The following PTPRD variants were observed in gnomAD, a reference collection of about 807,000 sequenced individuals.
PTPRD encodes protein tyrosine phosphatase receptor type D, also known as receptor-type tyrosine-protein phosphatase delta.
Under a neutral mutation model 214.5 loss-of-function variants are expected in PTPRD, and 34 were observed. The observed-to-expected ratio is 0.16, with a 90% confidence interval of 0.12 to 0.21. PTPRD has a LOEUF of 0.21. PTPRD is among the 10% of genes least tolerant of loss of function. The pLI is 1.00. For missense variants in PTPRD, 2,545 were observed against 2,398.7 expected (o/e 1.06, Z -1.27); for synonymous variants, 1,128 against 845.7 (o/e 1.33, Z -5.79).
intron 5 of PTPRD, among the ~76,000 whole-genome samples, chr9:9,779,155 G>T (rs1481037018): frequency 6.9e-6 from 1 of 145,892 alleles, no homozygotes. Flanking sequence ...TAGCCACATG[G>T]AAAAGAATGA....
chr9:9,935,683 A>G (rs1376016548), intron 5 of PTPRD, among the ~76,000 whole-genome samples: 2 of 147,862 alleles, frequency 1.4e-5, no homozygotes, highest in Non-Finnish European at 2.9e-5. Flanking sequence ...TGCCATCCCC[A>G]TCAAGCTACC....
At chr9:8,482,772 G>A (rs1487136401) in intron 30 of PTPRD, among the ~76,000 whole-genome samples, 1 of 152,084 alleles carries the variant, frequency 6.6e-6, no homozygotes, top group East Asian at 1.9e-4. Flanking sequence ...GCCACTTGTG[G>A]CCAGGCGCTC....
At chr9:9,250,932 G>A (rs2099975217) in intron 9 of PTPRD, among the ~76,000 whole-genome samples, 1 of 152,044 alleles carries the variant, frequency 6.6e-6, no homozygotes, top group African/African-American at 2.4e-5. Flanking sequence ...ATTCAGCAAG[G>A]GAGAAGAGAA....
At chr9:8,490,072 G>T (rs748116047) in intron 27 of PTPRD, among the ~76,000 whole-genome samples, 2 of 152,144 alleles carry the variant, frequency 1.3e-5, no homozygotes, top group Admixed American at 6.5e-5. Flanking sequence ...CCAGCTGTTG[G>T]TTCAATGGTT....
At chr9:10,054,038 C>T (rs2082231580) in intron 3 of PTPRD, among the ~76,000 whole-genome samples, 1 of 152,102 alleles carries the variant, frequency 6.6e-6, no homozygotes, top group African/African-American at 2.4e-5. Context: ...GGATTACAGG[C>T]ATGAGCCACC....
intron 14 of PTPRD, among the ~76,000 whole-genome samples, chr9:8,563,781 CCTCCA>C (rs771368664): frequency 3.3e-5 from 5 of 152,112 alleles, no homozygotes; most frequent in Non-Finnish European, 5.9e-5. Flanking sequence ...TGTGCCTCAG[CCTCCA>C]GAGTAGCTGG....
At chr9:9,733,475 G>C (rs1022469424) in intron 7 of PTPRD, among the ~76,000 whole-genome samples, 2 of 152,110 alleles carry the variant, frequency 1.3e-5, no homozygotes, top group African/African-American at 4.8e-5. Flanking sequence ...CTGTTTGGTG[G>C]GAAGTGTGAA....
intron 5 of PTPRD, among the ~76,000 whole-genome samples, chr9:9,863,772 C>G (rs1008523061): frequency 4.6e-5 from 7 of 151,842 alleles, no homozygotes; most frequent in Non-Finnish European, 1.0e-4. Context: ...GAAAGACACT[C>G]TCTTTTGTCT....
At chr9:10,258,906 A>C (rs2093486535) in intron 3 of PTPRD, among the ~76,000 whole-genome samples, 1 of 152,270 alleles carries the variant, frequency 6.6e-6, no homozygotes, top group Non-Finnish European at 1.5e-5. Context: ...GGATTTGTGC[A>C]AATAAAATAT....
chr9:9,200,131 G>T (rs529706916), intron 9 of PTPRD, among the ~76,000 whole-genome samples: 8 of 152,172 alleles, frequency 5.3e-5, no homozygotes, highest in Non-Finnish European at 1.0e-4. Flanking sequence ...TGCTCCTACT[G>T]GGAGCCATTT....
chr9:8,889,689 A>G (rs1056284530), intron 11 of PTPRD, among the ~76,000 whole-genome samples: 1 of 143,522 alleles, frequency 7.0e-6, no homozygotes, highest in South Asian at 2.1e-4. Flanking sequence ...CTTAGCTCCT[A>G]CTTAAAAGTG....
intron 4 of PTPRD, among the ~76,000 whole-genome samples, chr9:10,016,393 A>ATAGATAGGTAGG (rs56040812): frequency 1.0e-4 from 15 of 150,012 alleles, no homozygotes; most frequent in African/African-American, 2.7e-4. Context: ...AGATAGATAG[A>ATAGATAGGTAGG]TAGACAGATA....
intron 3 of PTPRD, among the ~76,000 whole-genome samples, chr9:10,224,940 C>T (rs932489712): frequency 6.6e-6 from 1 of 151,966 alleles, no homozygotes; most frequent in African/African-American, 2.4e-5. Flanking sequence ...TTACATACAA[C>T]ATATGTGTTA....
At chr9:10,371,246 C>T (rs2097609085) in intron 2 of PTPRD, among the ~76,000 whole-genome samples, 1 of 151,844 alleles carries the variant, frequency 6.6e-6, no homozygotes, top group South Asian at 2.1e-4. Flanking sequence ...GTCTCTCATC[C>T]ACACATACTT....
At chr9:10,025,880 C>T (rs1160208681) in intron 4 of PTPRD, among the ~76,000 whole-genome samples, 1 of 152,126 alleles carries the variant, frequency 6.6e-6, no homozygotes, top group Non-Finnish European at 1.5e-5. Context: ...ATTTCAACCT[C>T]ACCACTTGAG....
chr9:10,028,485 C>T (rs959127435), intron 4 of PTPRD, among the ~76,000 whole-genome samples: 2 of 152,030 alleles, frequency 1.3e-5, no homozygotes, highest in African/African-American at 4.8e-5. Flanking sequence ...TTTGGAACTC[C>T]CTAGAGACTT....
intron 36 of PTPRD, among the ~76,000 whole-genome samples, chr9:8,392,881 A>T (rs1055097457): frequency 6.6e-6 from 1 of 152,156 alleles, no homozygotes; most frequent in Non-Finnish European, 1.5e-5. Context: ...AGGAGAAAAA[A>T]TTTTAGAAAG....
chr9:9,539,422 A>T lies in PTPRD; in HGVS notation c.-237+35310T>A, dbSNP rs141958579. Among the ~76,000 whole-genome samples, 1,514 of 152,000 alleles carry T rather than the reference A, an allele frequency of 1.0e-2. 13 individuals carry two copies. The highest frequency in any genetic ancestry group is 0.051 in the Middle Eastern group (15 of 294). On this transcript the variant is annotated intron_variant, in intron 8 of 45. Transcript: ENST00000381196. ...GACTTTTGTCTCTTGGACAAGCAAG[A>T]CTTAACTTACCTGGACCTTACATTT...
chr9:9,265,808 A>G (rs1939246851), intron 9 of PTPRD, among the ~76,000 whole-genome samples: 1 of 151,562 alleles, frequency 6.6e-6, no homozygotes, highest in African/African-American at 2.4e-5. Context: ...AAAATAAAGA[A>G]AGGAACAAAG....
Sources: allele counts gnomAD v4.1 joint callset (sites outside exome capture counted in the v4.1 genomes callset), GRCh38; gene constraint gnomAD v4.1.1; transcripts MANE v1.5; gene names NCBI Gene and HGNC (gene_info 2026-07-23, HGNC 2026-07-21).